Variants in ZNF362 observed in about 807,000 individuals in gnomAD.
The protein encoded by ZNF362 is rotund homolog.
In ZNF362, 11 loss-of-function variants were observed where a neutral mutation model predicts 42.9. That is an observed-to-expected ratio of 0.26 (90% CI 0.16 to 0.42). The LOEUF is 0.42. ZNF362 is among the 20% of genes least tolerant of loss of function. The pLI is 1.00. For missense variants in ZNF362, 362 were observed against 576.2 expected, an observed-to-expected ratio of 0.63 and a Z score of 3.81; for synonymous variants, 255 against 257.3, an observed-to-expected ratio of 0.99 and a Z score of 0.09.
chr1:33,281,578 G>C lies in ZNF362; in HGVS notation c.684-9G>C. 1.2e-6 allele frequency: 2 copies of C among 1,614,022 alleles called. No homozygotes were observed. Among genetic ancestry groups the C allele is most frequent in the Non-Finnish European group, 1.7e-6 (2 of 1,179,888 alleles). The stretch of plus-strand genomic sequence containing the variant: ...ATCTTCCCACGTGAACCTGTCTCTT[G>C]CTCCGCAGGTGTAAGGTATGCCCAC... On this transcript the variant is annotated splice_polypyrimidine_tract_variant and intron_variant, in intron 5 of 8. Coordinates refer to ENST00000539719, the MANE Select transcript of ZNF362 (RefSeq NM_152493.3). The surrounding 1 kb of genome is among the most constrained non-coding windows in gnomAD (Gnocchi z 4.8).
intron 1 of ZNF362, among the ~76,000 whole-genome samples, chr1:33,265,466 C>T (rs889274467): frequency 5.9e-5 from 9 of 152,018 alleles, no homozygotes; most frequent in South Asian, 4.1e-4. Context: ...TGCGGAAACC[C>T]GGTCTAATTG....
chr1:33,239,256 C>T, the ZNF362 span, among the ~76,000 whole-genome samples: 1 of 152,054 alleles, frequency 6.6e-6, no homozygotes, highest in Non-Finnish European at 1.5e-5. Context: ...TTTGCTGTCT[C>T]CTGTTCCAAT....
chr1:33,182,944 T>C, the ZNF362 span, among the ~76,000 whole-genome samples: 1 of 152,116 alleles, frequency 6.6e-6, no homozygotes, highest in South Asian at 2.1e-4. Context: ...GTCTTGGAGA[T>C]AATCATTATA....
intron 1 of ZNF362, 140 bp from the exon 2 acceptor site, chr1:33,270,347 A>C: frequency 2.0e-6 from 1 of 489,872 alleles, no homozygotes; most frequent in Non-Finnish European, 3.7e-6. Flanking sequence ...TCTGTGCTGC[A>C]CGTGCATCTC....
chr1:33,276,828 C>A (rs941422591), intron 4 of ZNF362, among the ~76,000 whole-genome samples: 17 of 152,224 alleles, frequency 1.1e-4, no homozygotes, highest in Non-Finnish European at 2.5e-4. Flanking sequence ...ACGACAGGAG[C>A]CGGTCACTGC....
chr1:33,225,385 C>T, the ZNF362 span, among the ~76,000 whole-genome samples: 2 of 152,064 alleles, frequency 1.3e-5, no homozygotes, highest in African/African-American at 4.8e-5. Context: ...TGTTGTTGCT[C>T]TCCTTTTACC....
chr1:33,233,490 G>T, the ZNF362 span, among the ~76,000 whole-genome samples: 4 of 150,830 alleles, frequency 2.7e-5, no homozygotes, highest in Non-Finnish European at 5.9e-5. Flanking sequence ...TGAAACCTCC[G>T]CCTCCCAGGC....
At chr1:33,186,269 C>T in the ZNF362 span, among the ~76,000 whole-genome samples, 4 of 152,084 alleles carry the variant, frequency 2.6e-5, no homozygotes, top group African/African-American at 7.2e-5. Context: ...TGGTGCGAAC[C>T]GTTCTCATTT....
At chr1:33,181,000 T>TC in the ZNF362 span, 1 of 956,730 alleles carries the variant, frequency 1.0e-6, no homozygotes, top group Non-Finnish European at 1.4e-6. Context: ...CCCCGCCCCT[T>TC]CCCCAGGCAG....
chr1:33,227,479 C>T, the ZNF362 span, among the ~76,000 whole-genome samples: 4 of 152,138 alleles, frequency 2.6e-5, no homozygotes, highest in African/African-American at 9.7e-5. Context: ...GGAGACATTC[C>T]CAGCTAAGCC....
the ZNF362 span, among the ~76,000 whole-genome samples, chr1:33,245,755 T>C: frequency 1.2e-4 from 19 of 152,098 alleles, no homozygotes; most frequent in East Asian, 3.8e-4. Context: ...CTAGGCAACA[T>C]AGCAAGACCT....
At chr1:33,199,722 A>C in the ZNF362 span, 1 of 152,262 alleles carries the variant, frequency 6.6e-6, no homozygotes, top group Non-Finnish European at 1.5e-5. Flanking sequence ...TTATAAGTAA[A>C]AGTAAAATAT....
the ZNF362 span, among the ~76,000 whole-genome samples, chr1:33,189,467 A>G: frequency 2.0e-5 from 3 of 151,442 alleles, no homozygotes; most frequent in East Asian, 3.9e-4. Flanking sequence ...ACAACTTACA[A>G]TGGGAAACTC....
At chr1:33,297,945 T>G (rs4652994) in intron 8 of ZNF362, among the ~76,000 whole-genome samples, 6 of 152,040 alleles carry the variant, frequency 3.9e-5, no homozygotes, top group Non-Finnish European at 8.8e-5. Context: ...AATAGTTTCC[T>G]AGCTAGGAAT....
chr1:33,293,759 G>A (rs1646096849), intron 6 of ZNF362, among the ~76,000 whole-genome samples: 2 of 152,178 alleles, frequency 1.3e-5, no homozygotes, highest in Admixed American at 1.3e-4. Flanking sequence ...GCATGAGTGT[G>A]GAAAGCAGGG....
At chr1:33,236,550 A>AAAAAAATATATATATATATTATAT in the ZNF362 span, among the ~76,000 whole-genome samples, 9 of 5,980 alleles carry the variant, frequency 1.5e-3, 1 homozygote, top group Non-Finnish European at 3.3e-3. Context: ...AAAAAAAAAA[A>AAAAAAATATATATATATATTATAT]ATATATATAT....
rs1164224169 is a variant in ZNF362 at position 33,280,175 on chromosome 1, C to T, written c.401C>T (p.Ala134Val). 18 of 1,610,646 alleles carry T rather than the reference C, an allele frequency of 1.1e-5. 1 individual carries two copies. The East Asian group carries it at 2.7e-4, about 24-fold the overall frequency. Reference sequence around the variant, plus strand: ...TCTGTGAGCACTTCTGAGTCAAGCGCGGGCGCGGGCACGGGCACGGGTACC... The same window carrying T: ...TCTGTGAGCACTTCTGAGTCAAGCGTGGGCGCGGGCACGGGCACGGGTACC... ...TPSVSTSESS[A>V]GAGTGTGTST... is the part of the protein sequence containing the mutation. Residue 134 changes from alanine (A) to valine (V), a missense_variant, in exon 5 of 9, where the codon GCG becomes GTG. Ala to Val is a moderately conservative substitution (Grantham distance 64, BLOSUM62 0). Around this residue, in one of 3 missense-constraint regions of ZNF362, gnomAD observed 266 missense variants for 365.4 expected, o/e 0.73. Coordinates refer to ENST00000539719, the MANE Select transcript of ZNF362 (RefSeq NM_152493.3). The surrounding 1 kb of genome is among the most constrained non-coding windows in gnomAD (Gnocchi z 5.6).
At chr1:33,198,056 C>T in the ZNF362 span, among the ~76,000 whole-genome samples, 584 of 152,268 alleles carry the variant, frequency 3.8e-3, 1 homozygote, top group African/African-American at 0.013. Flanking sequence ...ATCAAATTAT[C>T]TCAGAGTAAC....
rs1209281233 is a variant in ZNF362, at chr1:33,266,963, G to A, written c.-88-3524G>A. 2.0e-5 allele frequency among the ~76,000 whole-genome samples: 3 copies of A among 152,196 alleles called. No homozygotes were observed. The highest frequency in any genetic ancestry group is 1.9e-4 in the East Asian group (1 of 5,186). ...AAGGATTTTAAGCGGTAGACTTAGC[G>A]CCCTGGGAAGGCTCTCCTTCGGCTT... On this transcript the variant is annotated intron_variant, in intron 1 of 8. Coordinates refer to ENST00000539719, the MANE Select transcript of ZNF362 (RefSeq NM_152493.3). The surrounding 1 kb of genome is among the most constrained non-coding windows in gnomAD (Gnocchi z 4.3).
Sources: gnomAD v4.1 joint callset for allele counts (sites outside exome capture counted in the v4.1 genomes callset) on GRCh38, gnomAD v4.1.1 for gene constraint, gnomAD v4.1.1 regional missense constraint, Gnocchi (gnomAD v3.1) non-coding constraint, MANE v1.5 for transcripts, NCBI Gene and HGNC (gene_info 2026-07-23, HGNC 2026-07-21) for gene names.